The following CPA6 variants were observed in gnomAD, a reference collection of about 807,000 sequenced individuals.
CPA6 encodes the protein carboxypeptidase A6, also known as carboxypeptidase B.
In CPA6, 58 loss-of-function variants were observed where a neutral mutation model predicts 63.3. The observed-to-expected ratio is 0.92, with a 90% CI of 0.74 to 1.14. The LOEUF is 1.14. Ranked by LOEUF, CPA6 falls within the 50% of genes most tolerant of loss-of-function variation. The probability of loss-of-function intolerance (pLI) is 0.00; values close to 1 mark genes in which losing one functional copy is unlikely to be tolerated. For missense variants in CPA6, 565 were observed against 526.6 expected (o/e 1.07, Z -0.71); for synonymous variants, 185 against 179.0 (o/e 1.03, Z -0.27).
intron 1 of CPA6, chr8:67,732,788 G>A (rs1817731189): frequency 1.3e-5 from 2 of 151,248 alleles, no homozygotes; most frequent in South Asian, 4.1e-4. Flanking sequence ...TAAGCAAACG[G>A]AAATTGAACA....
intron 6 of CPA6, among the ~76,000 whole-genome samples, chr8:67,504,023 T>G (rs954017359): frequency 6.6e-5 from 10 of 152,172 alleles, no homozygotes; most frequent in African/African-American, 2.4e-4. Flanking sequence ...ATCCTCCCAA[T>G]AAGCCAATGT....
intron 9 of CPA6, among the ~76,000 whole-genome samples, chr8:67,430,551 A>G (rs545147576): frequency 8.1e-4 from 124 of 152,342 alleles, no homozygotes; most frequent in African/African-American, 3.0e-3. Context: ...AATGTTTTTA[A>G]ACAATTTTCA....
At chr8:67,475,865 T>TTC (rs1491408258) in intron 8 of CPA6, among the ~76,000 whole-genome samples, 1 of 99,230 alleles carries the variant, frequency 1.0e-5, no homozygotes. Context: ...CTTTCTTTCT[T>TTC]TCTTTCTTTC....
chr8:67,478,079 C>G (rs1811281673), intron 8 of CPA6, among the ~76,000 whole-genome samples: 1 of 152,150 alleles, frequency 6.6e-6, no homozygotes, highest in South Asian at 2.1e-4. Context: ...TTGGGACTTT[C>G]AGTGCCACCT....
At chr8:67,647,007 A>G (rs1270724092) in intron 1 of CPA6, among the ~76,000 whole-genome samples, 9 of 152,214 alleles carry the variant, frequency 5.9e-5, no homozygotes. Flanking sequence ...TCTGGCTGCT[A>G]TGTGGAAAAT....
At chr8:67,453,238 G>T (rs6472300) in intron 8 of CPA6, among the ~76,000 whole-genome samples, 12,809 of 152,046 alleles carry the variant, frequency 0.084, 1,339 homozygotes, top group African/African-American at 0.24. Context: ...TGGTCAGAAA[G>T]GGTTGGAATC....
intron 1 of CPA6, among the ~76,000 whole-genome samples, chr8:67,630,254 G>A (rs1815293432): frequency 6.6e-6 from 1 of 151,964 alleles, no homozygotes; most frequent in African/African-American, 2.4e-5. Context: ...CTCTGGATAG[G>A]ACGCCATCCA....
intron 1 of CPA6, among the ~76,000 whole-genome samples, chr8:67,656,200 C>T (rs1439464500): frequency 2.0e-5 from 3 of 152,176 alleles, no homozygotes; most frequent in African/African-American, 7.2e-5. Flanking sequence ...TGGTTGTCCT[C>T]TCCTGGCCTG....
intron 2 of CPA6, among the ~76,000 whole-genome samples, chr8:67,584,642 ACTC>A (rs1466142853): frequency 1.3e-5 from 2 of 151,738 alleles, no homozygotes; most frequent in Admixed American, 6.6e-5. Context: ...GAGCAGGAAA[ACTC>A]CTGCTCCGAC....
intron 1 of CPA6, among the ~76,000 whole-genome samples, chr8:67,646,113 A>G (rs546730774): frequency 1.3e-5 from 2 of 152,362 alleles, no homozygotes; most frequent in Admixed American, 6.5e-5. Flanking sequence ...TCTCTCTGCT[A>G]TGTAACACTG....
At chr8:67,578,750 A>C (rs1345439268) in intron 2 of CPA6, among the ~76,000 whole-genome samples, 2 of 152,234 alleles carry the variant, frequency 1.3e-5, no homozygotes, top group Admixed American at 1.3e-4. Context: ...TAATAAAAAA[A>C]CATGTTACAT....
chr8:67,739,352 T>C (rs959358631), intron 1 of CPA6, among the ~76,000 whole-genome samples: 24 of 152,316 alleles, frequency 1.6e-4, no homozygotes, highest in African/African-American at 4.6e-4. Flanking sequence ...TTTGAGCTAG[T>C]GCATAAGGAA....
At chr8:67,453,762 T>C (rs1810609389) in intron 8 of CPA6, among the ~76,000 whole-genome samples, 1 of 152,244 alleles carries the variant, frequency 6.6e-6, no homozygotes, top group Non-Finnish European at 1.5e-5. Flanking sequence ...ACTGCATTTG[T>C]CAAAAACTTA....
chr8:67,580,829 C>G (rs1229295232), intron 2 of CPA6, among the ~76,000 whole-genome samples: 1 of 152,120 alleles, frequency 6.6e-6, no homozygotes, highest in Non-Finnish European at 1.5e-5. Flanking sequence ...TGACAGTGCT[C>G]CCATGATTGA....
At chr8:67,684,016 T>TATAC (rs1385193488) in intron 1 of CPA6, among the ~76,000 whole-genome samples, 1 of 144,970 alleles carries the variant, frequency 6.9e-6, no homozygotes, top group East Asian at 2.0e-4. Context: ...TATATATATA[T>TATAC]ATATATATAT....
At chr8:67,457,938 T>C (rs1283959725) in intron 8 of CPA6, among the ~76,000 whole-genome samples, 5 of 152,174 alleles carry the variant, frequency 3.3e-5, no homozygotes, top group Non-Finnish European at 5.9e-5. Context: ...TTGAAACCTA[T>C]TGAAATCTTT....
chr8:67,464,536 A>G (rs928512989), intron 8 of CPA6, among the ~76,000 whole-genome samples: 4 of 152,048 alleles, frequency 2.6e-5, no homozygotes, highest in South Asian at 2.1e-4. Context: ...CCAATTGTCA[A>G]TTTTTGTTTT....
chr8:67,639,294 C>T (rs971114398), intron 1 of CPA6, among the ~76,000 whole-genome samples: 3 of 151,624 alleles, frequency 2.0e-5, no homozygotes, highest in Admixed American at 2.0e-4. Flanking sequence ...TTTGCTTTGG[C>T]CTGCTGGGCT....
rs1347093476 is a variant in CPA6 at position 67,513,300 on chromosome 8, C to G, written c.318-1645G>C. 2.0e-5 allele frequency among the ~76,000 whole-genome samples: 3 copies of G among 152,132 alleles called. No individual in the cohort carries two copies. The South Asian group carries it at 6.2e-4, about 32-fold the overall frequency. ...TAAAGTAAGTCTTGAGCCAAATGAA[C>G]CTCCATGTCAATTTTCTAACTTCCT... is the stretch of plus-strand genomic sequence containing the variant. On this transcript the variant is annotated intron_variant, in intron 3 of 10. Transcript: ENST00000297770.
Sources: gnomAD v4.1 joint callset for allele counts (sites outside exome capture counted in the v4.1 genomes callset) on GRCh38, gnomAD v4.1.1 for gene constraint, MANE v1.5 for transcripts, NCBI Gene and HGNC (gene_info 2026-07-23, HGNC 2026-07-21) for gene names.